Variants in PRDX2 observed in about 807,000 individuals in gnomAD.
PRDX2 encodes the protein peroxiredoxin-2.
A neutral mutation model predicts 19.8 loss-of-function variants in PRDX2; 10 were observed. The observed-to-expected ratio is 0.50, with a 90% confidence interval of 0.31 to 0.86. PRDX2 has a LOEUF of 0.86. Ranked by LOEUF, PRDX2 falls within the 40% of genes least tolerant of loss-of-function variation. The probability of loss-of-function intolerance (pLI) is 0.04; values close to 1 mark genes in which losing one functional copy is unlikely to be tolerated. For missense variants in PRDX2, 226 were observed against 260.1 expected (o/e 0.87, Z 0.90); for synonymous variants, 118 against 108.2 (o/e 1.09, Z -0.56).
At position 12,796,979 on chromosome 19, in the gene PRDX2, TG is replaced by T; in HGVS notation, c.*101del. 2.5e-6 allele frequency: 3 copies of T among 1,179,488 alleles called. No homozygotes were observed. The highest frequency in any genetic ancestry group is 3.7e-6 in the Non-Finnish European group (3 of 813,182). The allele number at this position is 1,179,488 out of a possible 1,614,324, so 73.1% of individuals were successfully genotyped here. ...ACTGTGGAGTTTGGAGGGGCAGGTC[TG>T]GCCTTTCCTGGGTCAGCATAGGGCA... On this transcript the variant is annotated 3_prime_UTR_variant, in exon 6 of 6. Coordinates refer to ENST00000301522, the MANE Select transcript of PRDX2 (RefSeq NM_005809.6).
Position 12,797,035 on chromosome 19 carries a change from C to A in PRDX2, c.*46G>T. On this transcript the variant is annotated 3_prime_UTR_variant, in exon 6 of 6. Coordinates refer to ENST00000301522, the MANE Select transcript of PRDX2 (RefSeq NM_005809.6). ...GGTGGGGGCACAGGTGGACACCCAG[C>A]ACAGGCACCTAGGCAGGGGCACAAG... 9 of 1,601,860 alleles carry A rather than the reference C, an allele frequency of 5.6e-6. No individual in the cohort carries two copies. Among genetic ancestry groups the A allele is most frequent in the Non-Finnish European group, 5.1e-6 (6 of 1,171,278 alleles).
Position 12,797,017 on chromosome 19 carries a change from G to T in PRDX2, c.*64C>A. The T allele has an allele frequency of 6.4e-7, 1 of 1,551,132 alleles. No individual in the cohort carries two copies. Among genetic ancestry groups the T allele is most frequent in the Non-Finnish European group, 8.9e-7 (1 of 1,128,276 alleles). Reference sequence around the variant, plus strand: ...GTCAGCATAGGGCACCCAGGTGGGGGCACAGGTGGACACCCAGCACAGGCA... The same window carrying T: ...GTCAGCATAGGGCACCCAGGTGGGGTCACAGGTGGACACCCAGCACAGGCA... On this transcript the variant is annotated 3_prime_UTR_variant, in exon 6 of 6. Transcript: ENST00000301522.
At chr19:12,801,499 G>T (rs1968897193) in intron 1 of PRDX2, among the ~76,000 whole-genome samples, 1 of 152,234 alleles carries the variant, frequency 6.6e-6, no homozygotes, top group African/African-American at 2.4e-5. Context: ...CGAGCGAGTC[G>T]GCCGGAGGGC....
Position 12,799,847 on chromosome 19 carries a change from G to T in PRDX2, c.511+12C>A. The T allele has an allele frequency of 6.2e-7, 1 of 1,611,502 alleles. No homozygotes were observed. Among genetic ancestry groups the T allele is most frequent in the Admixed American group, 1.7e-5 (1 of 59,908 alleles). ...CAGTATGTACCCATGTGTCATGTGT[G>T]TATCTGCTCACCTTCCCCATGCTCG... On this transcript the variant is annotated intron_variant, in intron 5 of 5. Coordinates refer to ENST00000301522, the MANE Select transcript of PRDX2 (RefSeq NM_005809.6).
chr19:12,799,780 A>G (rs1968855594), intron 5 of PRDX2, 79 bp downstream of exon 5: 3 of 1,556,444 alleles, frequency 1.9e-6, no homozygotes, highest in South Asian at 2.4e-5. Flanking sequence ...TGGACAGGTA[A>G]GAGGACAGGC....
At chr19:12,797,500 T>G (rs1342091775) in intron 5 of PRDX2, among the ~76,000 whole-genome samples, 1 of 151,816 alleles carries the variant, frequency 6.6e-6, no homozygotes, top group Non-Finnish European at 1.5e-5. Flanking sequence ...TTTGTATTTT[T>G]GGTAGAGACC....
At chr19:12,800,631 T>C in intron 3 of PRDX2, 1 of 1,344,764 alleles carries the variant, frequency 7.4e-7, no homozygotes. Context: ...AACTGGAGTT[T>C]CCATCTTCAT....
intron 3 of PRDX2, 109 bp downstream of exon 3, chr19:12,800,807 G>A (rs1288221837): frequency 2.6e-6 from 4 of 1,549,244 alleles, no homozygotes; most frequent in Non-Finnish European, 2.6e-6. Context: ...TTATTTTCAC[G>A]ATGGGGAAAC....
intron 5 of PRDX2, among the ~76,000 whole-genome samples, chr19:12,797,732 A>G (rs1968818170): frequency 7.3e-6 from 1 of 136,698 alleles, no homozygotes; most frequent in East Asian, 2.1e-4. Flanking sequence ...ATCTCGGCTC[A>G]TTGCAACCTC....
chr19:12,799,711 A>T, intron 5 of PRDX2, 148 bp downstream of exon 5: 1 of 1,140,300 alleles, frequency 8.8e-7, no homozygotes, highest in Non-Finnish European at 1.2e-6. Flanking sequence ...CTACCACATT[A>T]GAAACATCCT....
Position 12,801,200 on chromosome 19 carries a change from A to G in PRDX2, c.62T>C (p.Val21Ala). The G allele has an allele frequency of 1.2e-6, 2 of 1,613,954 alleles. No homozygotes were observed. The highest frequency in any genetic ancestry group is 1.6e-4 in the Middle Eastern group (1 of 6,062). ...CTTCACCTCTTTGAAGGCGCCATCA[A>G]CCACCGCTGTGGCCTTGAAGTCAGG... is the stretch of plus-strand genomic sequence containing the variant. ...PAPDFKATAV[V>A]DGAFKEVKLS... The change falls in exon 2 of 6, where the codon GTT becomes GCT. Residue 21 changes from valine (V) to alanine (A), a missense_variant. Coordinates refer to ENST00000301522, the MANE Select transcript of PRDX2 (RefSeq NM_005809.6).
chr19:12,799,961 C>T lies in PRDX2; in HGVS notation c.409G>A (p.Val137Ile). ...TCATTAACAGTGATCTGGCGAAGGACACCCTTGCCATCGATGATAAAGAGG... is the reference window on the plus strand; with the variant it reads ...TCATTAACAGTGATCTGGCGAAGGATACCCTTGCCATCGATGATAAAGAGG... ...RGLFIIDGKGVLRQITVNDLP... is the reference protein window; with the variant it reads ...RGLFIIDGKGILRQITVNDLP... Residue 137 changes from valine to isoleucine, a missense_variant, in exon 5 of 6, where the codon GTC (valine) becomes ATC (isoleucine). Physicochemically the swap from Val to Ile is conservative, Grantham distance 29. Transcript: ENST00000301522. 1 of 1,614,028 alleles carries T rather than the reference C, an allele frequency of 6.2e-7. No individual in the cohort carries two copies.
rs763372074 is a variant in PRDX2 at position 12,800,198 on chromosome 19, G to A, written c.359C>T (p.Thr120Ile). The A allele has an allele frequency of 3.1e-6, 5 of 1,613,778 alleles. No homozygotes were observed. Among genetic ancestry groups the A allele is most frequent in the Non-Finnish European group, 4.2e-6 (5 of 1,179,998 alleles). ...GTACCTGTAGGCAATGCCCTCATCT[G>A]TTTTCAGCACGCCGTAATCCTCAGA... ...RLSEDYGVLK[T>I]DEGIAYRGLF... The change falls in exon 4 of 6, where the codon ACA becomes ATA. Residue 120 changes from threonine (T) to isoleucine (I), a missense_variant. By Grantham distance (89) the Thr-to-Ile change is moderately conservative (BLOSUM62 -1). Transcript: ENST00000301522.
At chr19:12,798,807 G>A (rs1221288472) in intron 5 of PRDX2, among the ~76,000 whole-genome samples, 1 of 151,880 alleles carries the variant, frequency 6.6e-6, no homozygotes, top group Non-Finnish European at 1.5e-5. Context: ...ACAGGCATGA[G>A]ACACAGCATC....
At chr19:12,800,789 T>C in intron 3 of PRDX2, 127 bp downstream of exon 3, 7 of 1,547,608 alleles carry the variant, frequency 4.5e-6, no homozygotes, top group South Asian at 1.2e-5. Flanking sequence ...TGGGCGGCAA[T>C]GTTTCCATTA....
chr19:12,800,884 C>T, intron 3 of PRDX2, 32 bp downstream of exon 3: 1 of 1,581,588 alleles, frequency 6.3e-7, no homozygotes, highest in Non-Finnish European at 8.6e-7. Context: ...GTGAGCTTAG[C>T]TGCAACCTCC....
chr19:12,798,967 T>A (rs1968842163), intron 5 of PRDX2, among the ~76,000 whole-genome samples: 1 of 151,738 alleles, frequency 6.6e-6, no homozygotes, highest in Admixed American at 6.6e-5. Context: ...AGTGGTGTGA[T>A]CTCGGCTTAC....
At chr19:12,801,440 C>A (rs1352334217) in intron 1 of PRDX2, among the ~76,000 whole-genome samples, 170 bp from the exon 2 acceptor site, 3 of 152,258 alleles carry the variant, frequency 2.0e-5, no homozygotes, top group Admixed American at 6.5e-5. Context: ...CGGAGACCCG[C>A]TCTCCTGACC....
intron 5 of PRDX2, among the ~76,000 whole-genome samples, 156 bp from the exon 6 acceptor site, chr19:12,797,322 T>C (rs1968807288): frequency 7.1e-6 from 1 of 140,564 alleles, no homozygotes; most frequent in African/African-American, 3.1e-5. Context: ...CAGTTCAGTA[T>C]TTTTTCTTTT....
Sources: allele counts gnomAD v4.1 joint callset (sites outside exome capture counted in the v4.1 genomes callset), GRCh38; gene constraint gnomAD v4.1.1; transcripts MANE v1.5; gene names NCBI Gene and HGNC (gene_info 2026-07-23, HGNC 2026-07-21).